The following OSBPL8 variants were observed in gnomAD, a reference collection of about 807,000 sequenced individuals.
OSBPL8 encodes the protein oxysterol binding protein like 8.
A neutral mutation model predicts 125.5 loss-of-function variants in OSBPL8; 59 were observed. The ratio of observed to expected loss-of-function variants is 0.47; its 90% CI spans 0.38 to 0.58. The LOEUF is 0.58. OSBPL8 is among the 20% of genes least tolerant of loss of function. OSBPL8 has a pLI of 0.00. For missense variants in OSBPL8, 758 were observed against 1,047.8 expected (o/e 0.72, Z 3.82); for synonymous variants, 330 against 338.9 (o/e 0.97, Z 0.29).
intron 16 of OSBPL8, among the ~76,000 whole-genome samples, chr12:76,377,817 C>T (rs1385812147): frequency 1.3e-5 from 2 of 152,118 alleles, no homozygotes; most frequent in African/African-American, 4.8e-5. Context: ...GCTGTATGAT[C>T]TCAGGCATAT....
At chr12:76,545,610 G>A (rs76944733) in intron 1 of OSBPL8, among the ~76,000 whole-genome samples, 16,077 of 152,082 alleles carry the variant, frequency 0.11, 904 homozygotes, top group Admixed American at 0.12. Context: ...TGGCTATCTT[G>A]GGCATGAAAC....
chr12:76,477,600 C>T lies in OSBPL8; in HGVS notation c.42+9910G>A, dbSNP rs78337368. 6.6e-3 allele frequency among the ~76,000 whole-genome samples: 999 copies of T among 152,010 alleles called. 6 individuals carry two copies. Among genetic ancestry groups the T allele is most frequent in the Middle Eastern group, 0.037 (11 of 294 alleles). On this transcript the variant is annotated intron_variant, in intron 2 of 23. Transcript: ENST00000261183. The stretch of plus-strand genomic sequence containing the variant: ...TAATCAAGAAGAACATGAGGAAACA[C>T]GAGAACTAAATGTAACGTGACGTCC...
intron 4 of OSBPL8, among the ~76,000 whole-genome samples, chr12:76,449,832 A>T (rs1308493957): frequency 6.6e-6 from 1 of 152,204 alleles, no homozygotes; most frequent in African/African-American, 2.4e-5. Flanking sequence ...AAAATTCAAG[A>T]GTGAATTTTA....
chr12:76,402,852 T>C (rs1954108405), intron 5 of OSBPL8, 86 bp from the exon 6 acceptor site: 2 of 882,850 alleles, frequency 2.3e-6, no homozygotes, highest in Non-Finnish European at 1.8e-6. Context: ...TATGTGACAT[T>C]TTTCTCATTT....
At chr12:76,511,842 G>T (rs534196491) in intron 1 of OSBPL8, among the ~76,000 whole-genome samples, 3 of 152,238 alleles carry the variant, frequency 2.0e-5, no homozygotes, top group African/African-American at 4.8e-5. Context: ...GTCTGCCAGG[G>T]TTTATAGTTT....
chr12:76,450,944 T>C lies in OSBPL8; in HGVS notation c.124A>G (p.Lys42Glu), dbSNP rs1388698277. ...SDESQLLTPG[K>E]MSQRQGKEAY... ...TCTTTTCCTTGGCGCTGACTCATCT[T>C]TCCTGGTGTCAGAAGCTGAGATTCG... Residue 42 changes from lysine (K) to glutamate (E), a missense_variant, in exon 4 of 24, where the codon AAG (lysine) becomes GAG (glutamate). By Grantham distance (56) the Lys-to-Glu change is moderately conservative. This residue lies in a region of OSBPL8 where 117 missense variants were observed against 137.1 expected (regional missense o/e 0.85). Transcript: ENST00000261183. The C allele has an allele frequency of 1.2e-6, 2 of 1,613,960 alleles. No homozygotes were observed. Among genetic ancestry groups the C allele is most frequent in the Non-Finnish European group, 1.7e-6 (2 of 1,179,932 alleles).
intron 21 of OSBPL8, among the ~76,000 whole-genome samples, chr12:76,365,301 T>C (rs1256902343): frequency 6.6e-6 from 1 of 152,208 alleles, no homozygotes; most frequent in Non-Finnish European, 1.5e-5. Flanking sequence ...TCCCTTTATT[T>C]AGATGTTCTT....
intron 1 of OSBPL8, among the ~76,000 whole-genome samples, chr12:76,546,119 G>A (rs543160968): frequency 1.5e-4 from 23 of 152,228 alleles, no homozygotes; most frequent in East Asian, 1.2e-3. Context: ...TTTGTGTTAC[G>A]TTGGGGGTCC....
chr12:76,517,922 GC>G (rs1225915681), intron 1 of OSBPL8, among the ~76,000 whole-genome samples: 1 of 152,104 alleles, frequency 6.6e-6, no homozygotes, highest in African/African-American at 2.4e-5. Context: ...TTCCCACCAG[GC>G]CCTACTGCCA....
intron 1 of OSBPL8, chr12:76,534,375 T>TA (rs1267607915): frequency 6.6e-6 from 1 of 152,202 alleles, no homozygotes; most frequent in Admixed American, 6.5e-5. Flanking sequence ...ACGTGGTATT[T>TA]AAACACAGGG....
chr12:76,489,730 T>A lies in OSBPL8; in HGVS notation c.-67-2112A>T, dbSNP rs77711988. Among the ~76,000 whole-genome samples the A allele has an allele frequency of 2.6e-5, 4 of 152,364 alleles. No homozygotes were observed. In the East Asian group the frequency reaches 7.7e-4, roughly 29 times the overall value. On this transcript the variant is annotated intron_variant, in intron 1 of 23. Coordinates refer to ENST00000261183, the MANE Select transcript of OSBPL8 (RefSeq NM_020841.5). ...TGTTGTTTTCATCTCTAACGCAACA[T>A]CTATTCTGCAGTCCATGAATCAGGG...
intron 1 of OSBPL8, among the ~76,000 whole-genome samples, chr12:76,540,084 C>T (rs1053632795): frequency 6.6e-6 from 1 of 152,120 alleles, no homozygotes; most frequent in Non-Finnish European, 1.5e-5. Context: ...GTGTTTTTAA[C>T]TTGGCAAAGC....
At chr12:76,439,713 G>T (rs1024100875) in intron 4 of OSBPL8, among the ~76,000 whole-genome samples, 1 of 152,016 alleles carries the variant, frequency 6.6e-6, no homozygotes, top group East Asian at 1.9e-4. Flanking sequence ...TCTAATTATG[G>T]AGTCAGTTTT....
intron 1 of OSBPL8, among the ~76,000 whole-genome samples, chr12:76,537,207 A>T (rs1400625144): frequency 6.6e-6 from 1 of 152,200 alleles, no homozygotes; most frequent in Non-Finnish European, 1.5e-5. Context: ...AAGATACAAG[A>T]AAATCTGCCC....
chr12:76,445,757 A>G (rs1369786099), intron 4 of OSBPL8, among the ~76,000 whole-genome samples: 1 of 152,204 alleles, frequency 6.6e-6, no homozygotes, highest in Non-Finnish European at 1.5e-5. Context: ...GAGGAATGTA[A>G]GAACGGTCCA....
At chr12:76,463,847 C>T (rs970200605) in intron 2 of OSBPL8, among the ~76,000 whole-genome samples, 19 of 152,120 alleles carry the variant, frequency 1.2e-4, no homozygotes, top group African/African-American at 4.1e-4. Flanking sequence ...TACAAAGTAA[C>T]GTATACCACT....
At chr12:76,497,193 A>T (rs1035771621) in intron 1 of OSBPL8, among the ~76,000 whole-genome samples, 16 of 144,760 alleles carry the variant, frequency 1.1e-4, no homozygotes, top group South Asian at 2.2e-4. Flanking sequence ...GAATCAGCAA[A>T]TTTTTTTTTT....
chr12:76,455,625 T>C (rs752811044), intron 3 of OSBPL8, among the ~76,000 whole-genome samples: 1 of 152,168 alleles, frequency 6.6e-6, no homozygotes, highest in Non-Finnish European at 1.5e-5. Context: ...TGCACCTCTT[T>C]ACCAAAAAAA....
chr12:76,463,229 T>C (rs1185656298), intron 2 of OSBPL8, among the ~76,000 whole-genome samples: 2 of 151,978 alleles, frequency 1.3e-5, no homozygotes, highest in Non-Finnish European at 2.9e-5. Context: ...AAATATATTT[T>C]GAAAATAGAG....
Sources: gnomAD v4.1 joint callset for allele counts (sites outside exome capture counted in the v4.1 genomes callset) on GRCh38, gnomAD v4.1.1 for gene constraint, gnomAD v4.1.1 regional missense constraint, MANE v1.5 for transcripts, NCBI Gene and HGNC (gene_info 2026-07-23, HGNC 2026-07-21) for gene names.